IQGAP3: variants seen among roughly 807,000 people sequenced by gnomAD.
IQGAP3 encodes the protein ras GTPase-activating-like protein IQGAP3.
In IQGAP3, 165 loss-of-function variants were observed where a neutral mutation model predicts 208.2. The ratio of observed to expected loss-of-function variants is 0.79; its 90% CI spans 0.70 to 0.90. IQGAP3 has a LOEUF of 0.90. Among genes scored for constraint, IQGAP3 ranks in the 40% least tolerant of loss-of-function variants. The pLI is 0.00. For missense variants in IQGAP3, 1,811 were observed against 2,043.1 expected, an observed-to-expected ratio of 0.89 and a Z score of 2.19; for synonymous variants, 703 against 803.6, an observed-to-expected ratio of 0.87 and a Z score of 2.12.
intron 11 of IQGAP3, 40 bp downstream of exon 11, chr1:156,560,894 G>A (rs775668145): frequency 2.2e-6 from 3 of 1,351,732 alleles, no homozygotes; most frequent in East Asian, 4.6e-5. Context: ...AAGAGTCAGA[G>A]ATACGCACAG....
In IQGAP3 at chr1:156,569,434, C is replaced by A; in HGVS notation, c.67G>T (p.Glu23Ter). 6.2e-7 allele frequency: 1 copy of A among 1,612,174 alleles called. No homozygotes were observed. Among genetic ancestry groups the A allele is most frequent in the South Asian group, 1.1e-5 (1 of 90,702 alleles). The change falls in exon 2 of 38, where the codon GAG becomes TAG. Residue 23 changes from glutamate (E) to a stop codon, truncating the protein, a stop_gained. Transcript: ENST00000361170. LOFTEE classifies it high-confidence loss of function. ...YERLTAEEMD[E>*]QRRQNVAYQY... ...TAGGCAACATTCTGCCGCCTCTGCT[C>A]ATCCATCTCCTCAGCTGTGAGGCGT...
At chr1:156,546,449 G>A (rs926407008) in intron 19 of IQGAP3, among the ~76,000 whole-genome samples, 13 of 152,012 alleles carry the variant, frequency 8.6e-5, no homozygotes, top group South Asian at 4.1e-4. Context: ...GTTTTTCATC[G>A]CCTTAGTGTG....
chr1:156,534,133 A>G lies in IQGAP3; in HGVS notation c.3749T>C (p.Ile1250Thr), dbSNP rs1480633230. 1.2e-6 allele frequency: 2 copies of G among 1,613,512 alleles called. No homozygotes were observed. Among genetic ancestry groups the G allele is most frequent in the African/African-American group, 2.7e-5 (2 of 74,892 alleles). ...CTCTGGCACCTGGCAGGCTCTATGG[A>G]TGAACTTCCTGTCCAGAGGGCGGGC... ...EETHLKFRKF[I>T]HRACQVPEPE... is the part of the protein sequence containing the mutation. The change falls in exon 30 of 38, where the codon ATC becomes ACC. Residue 1250 changes from isoleucine to threonine, a missense_variant. Physicochemically the swap from Ile to Thr is moderately conservative, Grantham distance 89. Coordinates refer to ENST00000361170, the MANE Select transcript of IQGAP3 (RefSeq NM_178229.5).
chr1:156,561,802 C>T lies in IQGAP3; in HGVS notation c.1041+36G>A, dbSNP rs556315164. The T allele has an allele frequency of 9.3e-6, 15 of 1,605,842 alleles. No individual in the cohort carries two copies. The African/African-American group carries it at 1.9e-4, about 20-fold the overall frequency. Reference sequence around the variant, plus strand: ...GAGGCCCTCTCCTATCCTATAGTCACATACAGGGGGTGGCAGGTAATAGAC... The same window carrying T: ...GAGGCCCTCTCCTATCCTATAGTCATATACAGGGGGTGGCAGGTAATAGAC... On this transcript the variant is annotated intron_variant, in intron 10 of 37. Transcript: ENST00000361170.
intron 16 of IQGAP3, among the ~76,000 whole-genome samples, chr1:156,550,012 G>T (rs574940499): frequency 3.3e-5 from 5 of 152,306 alleles, no homozygotes; most frequent in African/African-American, 1.2e-4. Flanking sequence ...AGTGTTCACA[G>T]GAAGGCATAG....
chr1:156,544,078 T>C lies in IQGAP3; in HGVS notation c.2461-28A>G, dbSNP rs757258258. ...GCCACAAACACAGATTGGAAAAGGGTTGCTGGCTGTCCTTGCTCTAGTCTC... is the reference window on the plus strand; with the variant it reads ...GCCACAAACACAGATTGGAAAAGGGCTGCTGGCTGTCCTTGCTCTAGTCTC... On this transcript the variant is annotated intron_variant, in intron 21 of 37. Transcript: ENST00000361170. 11 of 1,613,704 alleles carry C rather than the reference T, an allele frequency of 6.8e-6. No homozygotes were observed. The African/African-American group carries it at 1.3e-4, about 20-fold the overall frequency.
intron 25 of IQGAP3, 127 bp downstream of exon 25, chr1:156,539,247 A>C: frequency 1.1e-6 from 1 of 947,858 alleles, no homozygotes; most frequent in Non-Finnish European, 1.6e-6. Flanking sequence ...CACAGGAGGT[A>C]GAGAAAAGAG....
intron 15 of IQGAP3, 139 bp downstream of exon 15, chr1:156,551,566 C>G (rs1000344407): frequency 4.8e-5 from 41 of 862,252 alleles, no homozygotes; most frequent in Non-Finnish European, 6.6e-5. Context: ...CCTTCTTTAC[C>G]AGATTGGAAC....
intron 9 of IQGAP3, among the ~76,000 whole-genome samples, chr1:156,562,332 C>CG (rs943862586): frequency 6.6e-6 from 1 of 152,104 alleles, no homozygotes; most frequent in Non-Finnish European, 1.5e-5. Flanking sequence ...CAACTGCCCC[C>CG]CCGGCATCAA....
In IQGAP3 at chr1:156,537,301, G is replaced by A. The variant is rs1674737308; in HGVS notation, c.3302C>T (p.Thr1101Ile). The A allele has an allele frequency of 6.2e-7, 1 of 1,613,654 alleles. No individual in the cohort carries two copies. The highest frequency in any genetic ancestry group is 1.3e-5 in the African/African-American group (1 of 74,906). The stretch of plus-strand genomic sequence containing the variant: ...GGGGTGGCTCAAGGCCTGCTCCGGG[G>A]TGACATCATATGGGAGATGGCTATG... Reference protein sequence around the residue: ...GQRSHLPYDVTPEQALSHPEV... With the variant: ...GQRSHLPYDVIPEQALSHPEV... Residue 1101 changes from threonine to isoleucine, a missense_variant, in exon 27 of 38, where the codon ACC becomes ATC. By Grantham distance (89) the Thr-to-Ile change is moderately conservative. Coordinates refer to ENST00000361170, the MANE Select transcript of IQGAP3 (RefSeq NM_178229.5).
chr1:156,554,380 C>T lies in IQGAP3; in HGVS notation c.1303G>A (p.Glu435Lys). Reference sequence around the variant, plus strand: ...ATCTCCACAGCCACGAAGAGCTCCTCCTGGCCAAGCTCCTACAATGGGTGG... The same window carrying T: ...ATCTCCACAGCCACGAAGAGCTCCTTCTGGCCAAGCTCCTACAATGGGTGG... ...LQQQQGELGQ[E>K]ELFVAVEMLS... The change falls in exon 13 of 38, where the codon GAG (glutamate) becomes AAG (lysine). Residue 435 changes from glutamate to lysine, a missense_variant. Physicochemically the swap from Glu to Lys is moderately conservative, Grantham distance 56. Transcript: ENST00000361170. The T allele has an allele frequency of 1.2e-6, 2 of 1,607,382 alleles. No individual in the cohort carries two copies. Among genetic ancestry groups the T allele is most frequent in the Non-Finnish European group, 8.5e-7 (1 of 1,177,530 alleles).
intron 1 of IQGAP3, among the ~76,000 whole-genome samples, chr1:156,569,803 G>A (rs1023080706): frequency 6.8e-6 from 1 of 146,814 alleles, no homozygotes; most frequent in South Asian, 2.1e-4. Flanking sequence ...ACAGGCTTGA[G>A]CCGCCACCAT....
chr1:156,571,752 A>C (rs981015158), intron 1 of IQGAP3, among the ~76,000 whole-genome samples: 1 of 152,252 alleles, frequency 6.6e-6, no homozygotes, highest in African/African-American at 2.4e-5. Context: ...AAGACTGGAC[A>C]TGGACTTTGC....
intron 19 of IQGAP3, among the ~76,000 whole-genome samples, chr1:156,546,018 T>TGCCAGCTGTCCATGTTGGA (rs1675227418): frequency 6.6e-6 from 1 of 152,160 alleles, no homozygotes; most frequent in Non-Finnish European, 1.5e-5. Flanking sequence ...TGGTCCATGA[T>TGCCAGCTGTCCATGTTGGA]GCCAGCTGTC....
intron 26 of IQGAP3, 130 bp from the exon 27 acceptor site, chr1:156,537,451 C>G: frequency 1.1e-6 from 1 of 870,994 alleles, no homozygotes; most frequent in Non-Finnish European, 1.7e-6. Flanking sequence ...GCTCAGCATG[C>G]TAAAGGAGAA....
chr1:156,537,081 G>T, intron 27 of IQGAP3, 100 bp downstream of exon 27: 1 of 1,307,634 alleles, frequency 7.6e-7, no homozygotes, highest in Non-Finnish European at 1.1e-6. Flanking sequence ...CTCCCTCCCT[G>T]CCTTCCTCCC....
intron 11 of IQGAP3, among the ~76,000 whole-genome samples, chr1:156,557,910 C>T (rs1571353390): frequency 8.6e-5 from 1 of 11,664 alleles, no homozygotes; most frequent in Non-Finnish European, 2.6e-4. Flanking sequence ...GGCCAGCCGC[C>T]CCGTCCGGGA....
chr1:156,549,369 G>A (rs1403027574), intron 16 of IQGAP3, among the ~76,000 whole-genome samples: 1 of 151,806 alleles, frequency 6.6e-6, no homozygotes, highest in Non-Finnish European at 1.5e-5. Flanking sequence ...TACTCGGGAG[G>A]CTGAGGCCCA....
chr1:156,563,670 C>T lies in IQGAP3; in HGVS notation c.506-4G>A. On this transcript the variant is annotated splice_polypyrimidine_tract_variant and splice_region_variant and intron_variant, in intron 6 of 37. Transcript: ENST00000361170. Reference sequence around the variant, plus strand: ...GCCATGTTGCTGAGTTCCTCAGCTGCAATGATGCCACAGGTGCCCTTCATC... The same window carrying T: ...GCCATGTTGCTGAGTTCCTCAGCTGTAATGATGCCACAGGTGCCCTTCATC... 1.2e-6 allele frequency: 2 copies of T among 1,611,766 alleles called. No homozygotes were observed. The highest frequency in any genetic ancestry group is 1.7e-6 in the Non-Finnish European group (2 of 1,178,768).
Sources: gnomAD v4.1 joint callset for allele counts (sites outside exome capture counted in the v4.1 genomes callset) on GRCh38, gnomAD v4.1.1 for gene constraint, MANE v1.5 for transcripts, NCBI Gene and HGNC (gene_info 2026-07-23, HGNC 2026-07-21) for gene names.